PDGFD: variants seen among roughly 807,000 people sequenced by gnomAD.
PDGFD encodes platelet derived growth factor D.
In PDGFD, 30 loss-of-function variants were observed where a neutral mutation model predicts 44.7. The ratio of observed to expected loss-of-function variants is 0.67; its 90% CI spans 0.50 to 0.91. The LOEUF is 0.91. Ranked by LOEUF, PDGFD falls within the 40% of genes least tolerant of loss-of-function variation. The pLI, the probability that PDGFD is intolerant of heterozygous loss-of-function variation, is 0.00. For missense variants in PDGFD, 445 were observed against 457.8 expected (o/e 0.97, Z 0.25); for synonymous variants, 173 against 168.4 (o/e 1.03, Z -0.21).
At chr11:104,016,422 C>T (rs1441439886) in intron 1 of PDGFD, among the ~76,000 whole-genome samples, 1 of 152,238 alleles carries the variant, frequency 6.6e-6, no homozygotes, top group Admixed American at 6.5e-5. Flanking sequence ...AATCCCCAAG[C>T]AAGCTTTCCC....
chr11:104,162,262 C>T (rs1238318923), intron 1 of PDGFD, among the ~76,000 whole-genome samples: 1 of 151,694 alleles, frequency 6.6e-6, no homozygotes, highest in Non-Finnish European at 1.5e-5. Context: ...GTAACTGATA[C>T]TTGGGAGGGT....
chr11:104,026,263 C>T (rs943872498), intron 1 of PDGFD, among the ~76,000 whole-genome samples: 1 of 152,162 alleles, frequency 6.6e-6, no homozygotes, highest in African/African-American at 2.4e-5. Flanking sequence ...AAAGCCTGAC[C>T]CTTGGCCATT....
At chr11:103,941,055 C>T (rs1451108655) in intron 5 of PDGFD, among the ~76,000 whole-genome samples, 1 of 152,112 alleles carries the variant, frequency 6.6e-6, no homozygotes, top group Non-Finnish European at 1.5e-5. Flanking sequence ...ATGTCAGAGA[C>T]TGTTCCAAGT....
At chr11:104,005,208 T>C (rs1859682760) in intron 1 of PDGFD, among the ~76,000 whole-genome samples, 1 of 152,180 alleles carries the variant, frequency 6.6e-6, no homozygotes, top group Non-Finnish European at 1.5e-5. Flanking sequence ...ATGAAAATTC[T>C]GGGGAAGAGA....
At chr11:104,093,506 A>G (rs1861240363) in intron 1 of PDGFD, among the ~76,000 whole-genome samples, 1 of 152,160 alleles carries the variant, frequency 6.6e-6, no homozygotes, top group African/African-American at 2.4e-5. Context: ...GCCTTCAAAC[A>G]GAACTTCTCT....
chr11:103,924,836 T>C (rs553510353), intron 6 of PDGFD, among the ~76,000 whole-genome samples: 18 of 152,310 alleles, frequency 1.2e-4, no homozygotes, highest in African/African-American at 3.4e-4. Flanking sequence ...TATTATACTT[T>C]AAGTTGTGGG....
intron 1 of PDGFD, among the ~76,000 whole-genome samples, chr11:104,059,502 T>TTCAGTATTGTTC (rs1860677362): frequency 6.6e-6 from 1 of 152,202 alleles, no homozygotes; most frequent in Non-Finnish European, 1.5e-5. Context: ...CATAAATATT[T>TTCAGTATTGTTC]AGCACTAGAT....
intron 1 of PDGFD, among the ~76,000 whole-genome samples, chr11:104,113,330 C>T (rs746485269): frequency 6.6e-5 from 10 of 152,014 alleles, no homozygotes; most frequent in Non-Finnish European, 5.9e-5. Flanking sequence ...TCTGCATTGG[C>T]AAGGATGGGG....
intron 1 of PDGFD, among the ~76,000 whole-genome samples, chr11:104,087,618 G>A (rs1195683297): frequency 6.6e-6 from 1 of 152,108 alleles, no homozygotes; most frequent in African/African-American, 2.4e-5. Flanking sequence ...AAAGTCAAGC[G>A]AATGTCCCAC....
chr11:104,117,484 T>C (rs1486575675), intron 1 of PDGFD, among the ~76,000 whole-genome samples: 1 of 151,948 alleles, frequency 6.6e-6, no homozygotes. Context: ...TAGAAAACCA[T>C]AAAGATTCCT....
rs542474086 is a variant in PDGFD, at chr11:104,104,973, G to A, written c.124+58831C>T. Among the ~76,000 whole-genome samples, 237 of 152,230 alleles carry A rather than the reference G, an allele frequency of 1.6e-3. 1 individual carries two copies. Among genetic ancestry groups the A allele is most frequent in the African/African-American group, 5.5e-3 (228 of 41,558 alleles). The stretch of plus-strand genomic sequence containing the variant: ...CACCAATAAGGACTTTGTTCTTGTT[G>A]CTCACCATGTATACCAGCATCATAA... On this transcript the variant is annotated intron_variant, in intron 1 of 6. Coordinates refer to ENST00000393158, the MANE Select transcript of PDGFD (RefSeq NM_025208.5).
At chr11:104,096,679 A>C (rs754966798) in intron 1 of PDGFD, among the ~76,000 whole-genome samples, 26 of 152,172 alleles carry the variant, frequency 1.7e-4, no homozygotes, top group Non-Finnish European at 3.7e-4. Flanking sequence ...ATAACTGACT[A>C]AGTTGCCTCA....
intron 4 of PDGFD, chr11:103,946,031 A>G (rs1858663431): frequency 2.0e-5 from 3 of 152,206 alleles, no homozygotes; most frequent in Non-Finnish European, 4.4e-5. Flanking sequence ...GAGAAAAAGA[A>G]CTAATTTAAT....
chr11:104,086,578 T>C (rs563129218), intron 1 of PDGFD, among the ~76,000 whole-genome samples: 19 of 152,344 alleles, frequency 1.2e-4, no homozygotes, highest in Middle Eastern at 3.4e-3. Context: ...GATTCCATTT[T>C]TCCTCTCCAT....
At chr11:104,037,295 C>G in intron 1 of PDGFD, 1 of 1,613,538 alleles carries the variant, frequency 6.2e-7, no homozygotes, top group Non-Finnish European at 8.5e-7. Context: ...CACGATCTGT[C>G]CCTGCTCAAG....
chr11:104,086,566 A>G (rs984372464), intron 1 of PDGFD, among the ~76,000 whole-genome samples: 6 of 152,222 alleles, frequency 3.9e-5, no homozygotes, highest in African/African-American at 1.4e-4. Flanking sequence ...CAAATGTTTA[A>G]TGATTCCATT....
intron 1 of PDGFD, among the ~76,000 whole-genome samples, chr11:104,042,923 A>C (rs147880453): frequency 6.6e-6 from 1 of 152,356 alleles, no homozygotes; most frequent in African/African-American, 2.4e-5. Context: ...CTAAGGATTC[A>C]ATTAGTCTAT....
At chr11:103,936,596 T>A (rs949734172) in intron 5 of PDGFD, among the ~76,000 whole-genome samples, 5 of 152,200 alleles carry the variant, frequency 3.3e-5, no homozygotes. Context: ...GTAAATAATT[T>A]GCAAATTAGA....
chr11:104,159,472 A>G (rs1862358480), intron 1 of PDGFD, among the ~76,000 whole-genome samples: 2 of 152,210 alleles, frequency 1.3e-5, no homozygotes, highest in Non-Finnish European at 2.9e-5. Context: ...TTCAACATAG[A>G]AAGTTCAAGA....
Sources: gnomAD v4.1 joint callset for allele counts (sites outside exome capture counted in the v4.1 genomes callset) on GRCh38, gnomAD v4.1.1 for gene constraint, MANE v1.5 for transcripts, NCBI Gene and HGNC (gene_info 2026-07-23, HGNC 2026-07-21) for gene names.